Variants in NRG3 observed in about 807,000 individuals in gnomAD.
NRG3 encodes neuregulin 3, also known as pro-neuregulin-3, membrane-bound isoform.
Under a neutral mutation model 66.9 loss-of-function variants are expected in NRG3, and 31 were observed. The observed-to-expected ratio is 0.46, with a 90% CI of 0.35 to 0.63. The LOEUF (loss-of-function observed/expected upper bound fraction) is 0.63. Among genes scored for constraint, NRG3 ranks in the 20% least tolerant of loss-of-function variants. The pLI is 0.00. For missense variants in NRG3, 910 were observed against 878.9 expected (o/e 1.04, Z -0.45); for synonymous variants, 393 against 359.4 (o/e 1.09, Z -1.06).
At chr10:82,155,466 G>A (rs1348087263) in intron 1 of NRG3, among the ~76,000 whole-genome samples, 1 of 151,712 alleles carries the variant, frequency 6.6e-6, no homozygotes, top group Non-Finnish European at 1.5e-5. Flanking sequence ...CTGTAATTAT[G>A]AAAGAGACAT....
In NRG3 at chr10:82,314,737, G is replaced by A. The variant is rs544710600; in HGVS notation, c.824-44002G>A. On this transcript the variant is annotated intron_variant, in intron 1 of 8. Transcript: ENST00000372141. ...AGGCAGGAGAATGGCGTGAACTGGG[G>A]AGGCAGAGCTTTCAGTGAGCTGAGA... Among the ~76,000 whole-genome samples the A allele has an allele frequency of 3.3e-5, 5 of 152,334 alleles. No homozygotes were observed. In the East Asian group the frequency reaches 9.7e-4, roughly 29 times the overall value.
At chr10:82,313,556 C>T (rs1305181687) in intron 1 of NRG3, among the ~76,000 whole-genome samples, 1 of 152,048 alleles carries the variant, frequency 6.6e-6, no homozygotes, top group East Asian at 1.9e-4. Context: ...CTACCCAGGA[C>T]ACCAGGAAAC....
chr10:82,843,227 T>G (rs2063147619), intron 3 of NRG3: 1 of 454,644 alleles, frequency 2.2e-6, no homozygotes, highest in Admixed American at 2.4e-5. Context: ...ATAACAGTAT[T>G]ACGAAGTGGG....
At chr10:82,772,704 CTTTTTT>C (rs745609399) in intron 3 of NRG3, among the ~76,000 whole-genome samples, 1 of 111,730 alleles carries the variant, frequency 9.0e-6, no homozygotes, top group Non-Finnish European at 1.8e-5. Flanking sequence ...GCTTCCATAT[CTTTTTT>C]TTTTTTTTTT....
At chr10:82,148,809 C>G (rs10884251) in intron 1 of NRG3, among the ~76,000 whole-genome samples, 2 of 151,948 alleles carry the variant, frequency 1.3e-5, no homozygotes, top group Non-Finnish European at 2.9e-5. Context: ...CTGAACAACC[C>G]CAATTTCTAT....
intron 1 of NRG3, among the ~76,000 whole-genome samples, chr10:82,235,995 C>T (rs1039165447): frequency 6.6e-6 from 1 of 151,948 alleles, no homozygotes; most frequent in Non-Finnish European, 1.5e-5. Flanking sequence ...CGCACACACA[C>T]ACAGACACAG....
intron 1 of NRG3, among the ~76,000 whole-genome samples, chr10:82,109,565 G>C (rs971529824): frequency 3.7e-5 from 5 of 134,808 alleles, no homozygotes; most frequent in Non-Finnish European, 7.8e-5. Context: ...GTGTGTGTGT[G>C]TGTGTGTGTG....
rs544379075 is a variant in NRG3, at chr10:82,019,139, G to A, written c.823+142976G>A. Among the ~76,000 whole-genome samples the A allele has an allele frequency of 8.5e-5, 13 of 152,244 alleles. No individual in the cohort carries two copies. In the South Asian group the frequency reaches 2.3e-3, roughly 27 times the overall value. ...ATACCTAATTTATTGAGAGTTTTTAGCATGAAGGGCTGTTGAATTTTGTCA... is the reference window on the plus strand; with the variant it reads ...ATACCTAATTTATTGAGAGTTTTTAACATGAAGGGCTGTTGAATTTTGTCA... On this transcript the variant is annotated intron_variant, in intron 1 of 8. Coordinates refer to ENST00000372141, the MANE Select transcript of NRG3 (RefSeq NM_001010848.4).
At chr10:82,533,240 G>A (rs1365636999) in intron 2 of NRG3, among the ~76,000 whole-genome samples, 1 of 151,928 alleles carries the variant, frequency 6.6e-6, no homozygotes, top group Non-Finnish European at 1.5e-5. Flanking sequence ...CTCCCATTCT[G>A]TAGGTTGACT....
At chr10:82,457,323 A>G (rs1316497459) in intron 2 of NRG3, among the ~76,000 whole-genome samples, 1 of 152,136 alleles carries the variant, frequency 6.6e-6, no homozygotes, top group Non-Finnish European at 1.5e-5. Flanking sequence ...TCCACCTCAA[A>G]TCATCAGGTA....
intron 3 of NRG3, among the ~76,000 whole-genome samples, chr10:82,850,923 G>A (rs1322424693): frequency 6.6e-6 from 1 of 152,098 alleles, no homozygotes; most frequent in Non-Finnish European, 1.5e-5. Flanking sequence ...TGAATTTAAA[G>A]GGTAAATACT....
intron 1 of NRG3, among the ~76,000 whole-genome samples, chr10:82,164,037 C>T (rs558144261): frequency 7.3e-5 from 11 of 151,626 alleles, no homozygotes; most frequent in South Asian, 4.2e-4. Context: ...TCTCCTGCCT[C>T]GGCCTCCTGA....
At chr10:82,862,953 A>G (rs1432388042) in intron 3 of NRG3, among the ~76,000 whole-genome samples, 1 of 152,104 alleles carries the variant, frequency 6.6e-6, no homozygotes, top group African/African-American at 2.4e-5. Flanking sequence ...TCAACCTGTC[A>G]TGTAGGTTTT....
intron 2 of NRG3, among the ~76,000 whole-genome samples, chr10:82,389,772 A>G (rs553367540): frequency 6.6e-6 from 1 of 152,360 alleles, no homozygotes; most frequent in African/African-American, 2.4e-5. Flanking sequence ...TAGATTCAAA[A>G]AAGTTTCCAT....
intron 2 of NRG3, among the ~76,000 whole-genome samples, chr10:82,644,691 C>T (rs567634164): frequency 6.6e-6 from 1 of 152,198 alleles, no homozygotes; most frequent in African/African-American, 2.4e-5. Context: ...CTCTACCAGA[C>T]AGGACAGAAT....
intron 3 of NRG3, among the ~76,000 whole-genome samples, chr10:82,864,491 G>GT (rs550339234): frequency 1.0e-3 from 159 of 152,174 alleles, no homozygotes; most frequent in Admixed American, 6.5e-3. Context: ...GGTAGCAATA[G>GT]TTTTTTCCCT....
At chr10:82,541,009 G>A (rs1430020375) in intron 2 of NRG3, among the ~76,000 whole-genome samples, 1 of 152,074 alleles carries the variant, frequency 6.6e-6, no homozygotes, top group African/African-American at 2.4e-5. Flanking sequence ...GAGATGGCGG[G>A]TACACATGTG....
chr10:81,934,685 T>G (rs897072690), intron 1 of NRG3, among the ~76,000 whole-genome samples: 1 of 152,244 alleles, frequency 6.6e-6, no homozygotes, highest in Admixed American at 6.5e-5. Context: ...AAATTGGGTT[T>G]GGAATTGGGA....
At chr10:82,546,492 G>C (rs1004987511) in intron 2 of NRG3, among the ~76,000 whole-genome samples, 1 of 152,068 alleles carries the variant, frequency 6.6e-6, no homozygotes, top group Non-Finnish European at 1.5e-5. Flanking sequence ...TTCTTTATAT[G>C]TGTTAATATG....
Sources: gnomAD v4.1 joint callset for allele counts (sites outside exome capture counted in the v4.1 genomes callset) on GRCh38, gnomAD v4.1.1 for gene constraint, MANE v1.5 for transcripts, NCBI Gene and HGNC (gene_info 2026-07-23, HGNC 2026-07-21) for gene names.